Variants in SLIT2 observed in about 807,000 individuals in gnomAD.
The protein encoded by SLIT2 is slit guidance ligand 2, also known as slit homolog 2 protein.
In SLIT2, 41 loss-of-function variants were observed where a neutral mutation model predicts 185.7. The observed-to-expected ratio is 0.22, with a 90% CI of 0.17 to 0.29. The LOEUF (loss-of-function observed/expected upper bound fraction) is 0.29, where lower values mean the gene tolerates loss of function less well. Among genes scored for constraint, SLIT2 ranks in the 10% least tolerant of loss-of-function variants. The probability of loss-of-function intolerance (pLI) is 1.00; values close to 1 mark genes in which losing one functional copy is unlikely to be tolerated. For missense variants in SLIT2, 1,571 were observed against 1,909.0 expected (o/e 0.82, Z 3.30); for synonymous variants, 693 against 680.2 (o/e 1.02, Z -0.29).
intron 26 of SLIT2, among the ~76,000 whole-genome samples, chr4:20,563,469 G>A (rs1478140995): frequency 6.6e-6 from 1 of 151,786 alleles, no homozygotes; most frequent in African/African-American, 2.4e-5. Flanking sequence ...TTTCTTAAAG[G>A]TGTACTATTA....
chr4:20,430,229 G>A (rs1319443663), intron 4 of SLIT2, among the ~76,000 whole-genome samples: 2 of 152,200 alleles, frequency 1.3e-5, no homozygotes, highest in Non-Finnish European at 2.9e-5. Context: ...TTCAGATTTA[G>A]GGTATATCTT....
intron 4 of SLIT2, among the ~76,000 whole-genome samples, chr4:20,286,286 C>G (rs962212953): frequency 1.3e-5 from 2 of 152,120 alleles, no homozygotes; most frequent in African/African-American, 4.8e-5. Flanking sequence ...CTCTCTCCCC[C>G]ACCCTCATCC....
intron 9 of SLIT2, among the ~76,000 whole-genome samples, chr4:20,492,934 A>G (rs1026666794): frequency 1.3e-5 from 2 of 152,212 alleles, no homozygotes; most frequent in African/African-American, 4.8e-5. Flanking sequence ...TTTGCAGTAT[A>G]AGACATGAAC....
At chr4:20,559,358 G>A (rs372841328) in intron 26 of SLIT2, among the ~76,000 whole-genome samples, 6 of 151,922 alleles carry the variant, frequency 3.9e-5, no homozygotes, top group Admixed American at 6.6e-5. Context: ...TTGCAGTTGC[G>A]TTTAGAAGAC....
At chr4:20,565,917 C>T (rs1285377368) in intron 26 of SLIT2, among the ~76,000 whole-genome samples, 1 of 151,900 alleles carries the variant, frequency 6.6e-6, no homozygotes, top group African/African-American at 2.4e-5. Flanking sequence ...AATACTGTTA[C>T]TTGAATATGT....
At position 20,254,678 on chromosome 4, in the gene SLIT2, G is replaced by A. The variant is rs1476811286; in HGVS notation, c.179+684G>A. ...ACTTGTCTCAGCGGGCGACTGCGAGGGAGGACCGTGTCCCATCCGTTAAGC... is the reference window on the plus strand; with the variant it reads ...ACTTGTCTCAGCGGGCGACTGCGAGAGAGGACCGTGTCCCATCCGTTAAGC... On this transcript the variant is annotated intron_variant, in intron 1 of 36. Transcript: ENST00000504154. This position sits in a 1 kb window ranked among gnomAD's most constrained non-coding sequence, Gnocchi z 5.1. 2.0e-5 allele frequency among the ~76,000 whole-genome samples: 3 copies of A among 152,086 alleles called. No homozygotes were observed. The highest frequency in any genetic ancestry group is 2.0e-4 in the Admixed American group (3 of 15,278).
At chr4:20,365,306 G>A (rs986280246) in intron 4 of SLIT2, among the ~76,000 whole-genome samples, 3 of 152,042 alleles carry the variant, frequency 2.0e-5, no homozygotes, top group Admixed American at 6.6e-5. Flanking sequence ...ACAGGGAGGC[G>A]GCCAGTTCAG....
At chr4:20,589,801 TCTC>T (rs1191209191) in intron 30 of SLIT2, 64 bp downstream of exon 30, 6 of 1,072,056 alleles carry the variant, frequency 5.6e-6, no homozygotes, top group African/African-American at 4.6e-5. Flanking sequence ...TAGGAGCCCT[TCTC>T]CTCCTTCATC....
chr4:20,432,591 T>G (rs1486188631), intron 4 of SLIT2, among the ~76,000 whole-genome samples: 1 of 151,548 alleles, frequency 6.6e-6, no homozygotes, highest in Non-Finnish European at 1.5e-5. Context: ...AATTTTAGAG[T>G]TAATAGGTGT....
At chr4:20,478,666 A>G (rs984001868) in intron 5 of SLIT2, among the ~76,000 whole-genome samples, 3 of 152,240 alleles carry the variant, frequency 2.0e-5, no homozygotes, top group African/African-American at 7.2e-5. Context: ...TGGAGACTGC[A>G]TTAGGCAAAT....
At chr4:20,567,189 C>A in intron 26 of SLIT2, 73 bp from the exon 27 acceptor site, 1 of 1,265,088 alleles carries the variant, frequency 7.9e-7, no homozygotes, top group Non-Finnish European at 1.1e-6. Context: ...TTTACCATTA[C>A]ATTAAGGCAT....
chr4:20,474,427 AT>A (rs1479094489), intron 5 of SLIT2, among the ~76,000 whole-genome samples: 1 of 151,946 alleles, frequency 6.6e-6, no homozygotes, highest in African/African-American at 2.4e-5. Flanking sequence ...CCATCTTTGC[AT>A]TTTTCTTTGT....
At chr4:20,614,223 C>T (rs1729462277) in intron 34 of SLIT2, among the ~76,000 whole-genome samples, 2 of 152,050 alleles carry the variant, frequency 1.3e-5, no homozygotes, top group Non-Finnish European at 2.9e-5. Context: ...TCCAACTGAA[C>T]CCTTATTACC....
intron 34 of SLIT2, 88 bp downstream of exon 34, chr4:20,610,255 C>A: frequency 8.6e-7 from 1 of 1,157,562 alleles, no homozygotes. Flanking sequence ...CCTAATATAT[C>A]AGGATTTGTC....
Position 20,252,309 on chromosome 4 carries a change from A to T in SLIT2, c.-1507A>T, listed in dbSNP as rs910354607. On this transcript the variant is annotated 5_prime_UTR_variant, in exon 1 of 37. Coordinates refer to ENST00000504154, the MANE Select transcript of SLIT2 (RefSeq NM_004787.4). ...ACTTGCCAGGGGCTCCGGAGTCGGCAGAGCCACCGAGTCCCCGCTCTGAGT... is the reference window on the plus strand; with the variant it reads ...ACTTGCCAGGGGCTCCGGAGTCGGCTGAGCCACCGAGTCCCCGCTCTGAGT... 2.6e-5 allele frequency among the ~76,000 whole-genome samples: 4 copies of T among 152,132 alleles called. No homozygotes were observed. Among genetic ancestry groups the T allele is most frequent in the Non-Finnish European group, 5.9e-5 (4 of 68,016 alleles).
At chr4:20,291,815 T>C (rs940571713) in intron 4 of SLIT2, among the ~76,000 whole-genome samples, 2 of 152,012 alleles carry the variant, frequency 1.3e-5, no homozygotes, top group African/African-American at 4.8e-5. Context: ...AAAAATAATT[T>C]GCAGCTTTCT....
At chr4:20,594,135 A>G (rs1727754886) in intron 30 of SLIT2, among the ~76,000 whole-genome samples, 1 of 149,368 alleles carries the variant, frequency 6.7e-6, no homozygotes, top group Non-Finnish European at 1.5e-5. Flanking sequence ...GCATATATAT[A>G]CATATATACA....
At chr4:20,535,844 A>T (rs1722220194) in intron 18 of SLIT2, among the ~76,000 whole-genome samples, 1 of 147,472 alleles carries the variant, frequency 6.8e-6, no homozygotes, top group Admixed American at 6.8e-5. Context: ...CACCTCCCTA[A>T]AGTCCCTCTT....
chr4:20,294,107 G>A (rs1289000271), intron 4 of SLIT2, among the ~76,000 whole-genome samples: 1 of 151,874 alleles, frequency 6.6e-6, no homozygotes, highest in Non-Finnish European at 1.5e-5. Context: ...CAGCAGTTTG[G>A]GAGGCTGAGG....
Sources: gnomAD v4.1 joint callset for allele counts (sites outside exome capture counted in the v4.1 genomes callset) on GRCh38, gnomAD v4.1.1 for gene constraint, Gnocchi (gnomAD v3.1) non-coding constraint, MANE v1.5 for transcripts, NCBI Gene and HGNC (gene_info 2026-07-23, HGNC 2026-07-21) for gene names.